DLC1: variants seen among roughly 807,000 people sequenced by gnomAD.
DLC1 encodes rho GTPase-activating protein 7.
DLC1 carries 54 observed loss-of-function variants against 140.3 expected under a neutral mutation model. The observed-to-expected ratio is 0.38, with a 90% CI of 0.31 to 0.48. The LOEUF (loss-of-function observed/expected upper bound fraction) is 0.48. DLC1 is among the 20% of genes least tolerant of loss of function. The probability of loss-of-function intolerance (pLI) is 0.96; values close to 1 mark genes in which losing one functional copy is unlikely to be tolerated. For synonymous variants in DLC1, 986 were observed against 728.1 expected (o/e 1.35, Z -5.70); for missense variants, 2,536 against 1,907.0 (o/e 1.33, Z -6.14).
At chr8:13,245,003 A>AT (rs940273993) in intron 5 of DLC1, among the ~76,000 whole-genome samples, 1 of 152,056 alleles carries the variant, frequency 6.6e-6, no homozygotes, top group African/African-American at 2.4e-5. Flanking sequence ...GTTGAGCTTT[A>AT]TTTTTTTCCA....
intron 5 of DLC1, among the ~76,000 whole-genome samples, chr8:13,270,194 C>T (rs1830874159): frequency 6.6e-6 from 1 of 152,184 alleles, no homozygotes; most frequent in Non-Finnish European, 1.5e-5. Flanking sequence ...GCCTCAGATC[C>T]TTAAGTAGAT....
chr8:13,100,008 C>G lies in DLC1; in HGVS notation c.2329G>C (p.Glu777Gln), dbSNP rs1465801887. 6.2e-7 allele frequency: 1 copy of G among 1,612,722 alleles called. No individual in the cohort carries two copies. The highest frequency in any genetic ancestry group is 8.5e-7 in the Non-Finnish European group (1 of 1,180,052). ...ACNKRVGMYL[E>Q]GFDPFNQSTF... The stretch of plus-strand genomic sequence containing the variant: ...GACTGATTGAAAGGATCGAAGCCCT[C>G]TAAGTACATGCCCACCCGCTTGTTG... The change falls in exon 9 of 18, where the codon GAG becomes CAG. Residue 777 changes from glutamate to glutamine, a missense_variant. Coordinates refer to ENST00000276297, the MANE Select transcript of DLC1 (RefSeq NM_182643.3).
At chr8:13,250,157 T>C (rs149030319) in intron 5 of DLC1, among the ~76,000 whole-genome samples, 1 of 152,368 alleles carries the variant, frequency 6.6e-6, no homozygotes, top group Non-Finnish European at 1.5e-5. Context: ...ACTTGTTAAA[T>C]AAATATTTCC....
intron 4 of DLC1, among the ~76,000 whole-genome samples, chr8:13,371,299 C>T (rs1337837731): frequency 6.6e-6 from 1 of 152,118 alleles, no homozygotes; most frequent in Non-Finnish European, 1.5e-5. Flanking sequence ...AATTGTCTCC[C>T]TCCCTAAAGT....
intron 1 of DLC1, among the ~76,000 whole-genome samples, chr8:13,595,569 G>C (rs1352512533): frequency 1.3e-5 from 2 of 151,950 alleles, no homozygotes; most frequent in Non-Finnish European, 2.9e-5. Context: ...AGTTCTTTAT[G>C]ATTAAGGGAA....
chr8:13,357,215 G>A (rs997941000), intron 4 of DLC1, among the ~76,000 whole-genome samples: 11 of 152,172 alleles, frequency 7.2e-5, no homozygotes, highest in African/African-American at 2.7e-4. Context: ...AGGCTGCAGT[G>A]AGCCAAGATT....
intron 5 of DLC1, among the ~76,000 whole-genome samples, chr8:13,264,004 TA>T (rs1252945453): frequency 6.6e-6 from 1 of 151,968 alleles, no homozygotes; most frequent in East Asian, 1.9e-4. Flanking sequence ...GGATAATGAA[TA>T]AGTAAATTAG....
intron 2 of DLC1, among the ~76,000 whole-genome samples, chr8:13,409,771 A>G (rs1300326852): frequency 1.3e-5 from 2 of 152,144 alleles, no homozygotes; most frequent in Non-Finnish European, 2.9e-5. Context: ...GTTTAATTTT[A>G]CAGCTTCAGT....
At chr8:13,224,699 C>T (rs1291226689) in intron 5 of DLC1, among the ~76,000 whole-genome samples, 2 of 152,144 alleles carry the variant, frequency 1.3e-5, no homozygotes, top group Non-Finnish European at 2.9e-5. Flanking sequence ...ACAATACTTC[C>T]CCTCTCCTCA....
chr8:13,263,011 C>T (rs1053225412), intron 5 of DLC1, among the ~76,000 whole-genome samples: 15 of 152,118 alleles, frequency 9.9e-5, no homozygotes, highest in African/African-American at 3.6e-4. Context: ...GTTACTAGTG[C>T]ATTTAATAGA....
In DLC1 at chr8:13,094,687, A is replaced by G. The variant is rs767816215; in HGVS notation, c.3526+72T>C. 5.7e-5 allele frequency: 89 copies of G among 1,573,250 alleles called. No homozygotes were observed. The Admixed American group carries it at 8.8e-4, about 16-fold the overall frequency. On this transcript the variant is annotated intron_variant, in intron 12 of 17. Coordinates refer to ENST00000276297, the MANE Select transcript of DLC1 (RefSeq NM_182643.3). Reference sequence around the variant, plus strand: ...TCTCAAAAAAAAAAAGAATGCTATCAAGGAAGCTACAAGCTTCAGTTGGTC... The same window carrying G: ...TCTCAAAAAAAAAAAGAATGCTATCGAGGAAGCTACAAGCTTCAGTTGGTC...
chr8:13,306,758 A>G (rs1832454695), intron 4 of DLC1, among the ~76,000 whole-genome samples: 1 of 152,100 alleles, frequency 6.6e-6, no homozygotes, highest in Admixed American at 6.5e-5. Context: ...GATTGATGCA[A>G]TAATTCAGCT....
At chr8:13,292,095 G>GT (rs1165160121) in intron 5 of DLC1, among the ~76,000 whole-genome samples, 2 of 151,306 alleles carry the variant, frequency 1.3e-5, no homozygotes, top group African/African-American at 2.4e-5. Flanking sequence ...GTGATCTGCA[G>GT]TTTTTTTGTT....
chr8:13,112,093 G>A (rs185125536), intron 6 of DLC1, among the ~76,000 whole-genome samples: 1 of 152,146 alleles, frequency 6.6e-6, no homozygotes, highest in Non-Finnish European at 1.5e-5. Flanking sequence ...TGAGGCTGCA[G>A]TGAACTCTGA....
intron 5 of DLC1, among the ~76,000 whole-genome samples, chr8:13,250,277 G>A (rs1480794292): frequency 3.3e-5 from 5 of 151,784 alleles, no homozygotes; most frequent in Non-Finnish European, 7.4e-5. Context: ...GAACAATATT[G>A]TCCCCATCTG....
chr8:13,176,980 C>T (rs999293060), intron 5 of DLC1, among the ~76,000 whole-genome samples: 3 of 152,146 alleles, frequency 2.0e-5, no homozygotes, highest in Non-Finnish European at 4.4e-5. Flanking sequence ...ACAGTTCTCT[C>T]CTAGAGCCTC....
At chr8:13,121,952 A>T (rs1821114837) in intron 5 of DLC1, among the ~76,000 whole-genome samples, 1 of 152,140 alleles carries the variant, frequency 6.6e-6, no homozygotes, top group Admixed American at 6.5e-5. Flanking sequence ...AAGCTCCCTC[A>T]GTTTAAAGGC....
chr8:13,290,268 A>T (rs148385336), intron 5 of DLC1, among the ~76,000 whole-genome samples: 6 of 152,286 alleles, frequency 3.9e-5, no homozygotes, highest in Admixed American at 1.3e-4. Context: ...TTCCACTGAT[A>T]TTAACCAGTG....
chr8:13,452,185 A>C (rs1448255554), intron 2 of DLC1, among the ~76,000 whole-genome samples: 2 of 150,670 alleles, frequency 1.3e-5, no homozygotes, highest in African/African-American at 4.8e-5. Flanking sequence ...TAATTAAAAT[A>C]AATAAAAATT....
Sources: allele counts gnomAD v4.1 joint callset (sites outside exome capture counted in the v4.1 genomes callset), GRCh38; gene constraint gnomAD v4.1.1; transcripts MANE v1.5; gene names NCBI Gene and HGNC (gene_info 2026-07-23, HGNC 2026-07-21).